Variants in UNC13C observed in about 807,000 individuals in gnomAD.
The protein encoded by UNC13C is protein unc-13 homolog C.
UNC13C carries 174 observed loss-of-function variants against 245.4 expected under a neutral mutation model. The observed-to-expected ratio is 0.71, with a 90% CI of 0.63 to 0.80. UNC13C has a LOEUF of 0.80. Among genes scored for constraint, UNC13C ranks in the 30% least tolerant of loss-of-function variants. The pLI, the probability that UNC13C is intolerant of heterozygous loss-of-function variation, is 0.00. For missense variants in UNC13C, 2,829 were observed against 2,602.9 expected (o/e 1.09, Z -1.89); for synonymous variants, 992 against 895.1 (o/e 1.11, Z -1.93).
At chr15:53,946,471 G>A in the UNC13C span, among the ~76,000 whole-genome samples, 365 of 146,092 alleles carry the variant, frequency 2.5e-3, no homozygotes, top group Non-Finnish European at 4.4e-3. Flanking sequence ...TTTTTTAAAC[G>A]GAGTCTTGCT....
At chr15:54,210,668 A>G (rs552548888) in intron 4 of UNC13C, among the ~76,000 whole-genome samples, 50 of 152,218 alleles carry the variant, frequency 3.3e-4, no homozygotes, top group Non-Finnish European at 5.4e-4. Flanking sequence ...CTGATATTTT[A>G]CCCTACTTAA....
intron 4 of UNC13C, among the ~76,000 whole-genome samples, chr15:54,183,790 T>G (rs1307741183): frequency 6.6e-6 from 1 of 150,956 alleles, no homozygotes; most frequent in Non-Finnish European, 1.5e-5. Context: ...GACCAGTCAT[T>G]GCAGACAGTA....
the UNC13C span, among the ~76,000 whole-genome samples, chr15:53,882,365 A>G: frequency 6.6e-6 from 1 of 152,156 alleles, no homozygotes; most frequent in South Asian, 2.1e-4. Flanking sequence ...TTTGCTTATA[A>G]TAAAATTTAT....
intron 19 of UNC13C, among the ~76,000 whole-genome samples, chr15:54,478,526 G>T (rs1386846117): frequency 6.6e-6 from 1 of 151,012 alleles, no homozygotes; most frequent in Non-Finnish European, 1.5e-5. Context: ...GTTCTCATTG[G>T]TTTCAAAGAA....
intron 4 of UNC13C, among the ~76,000 whole-genome samples, chr15:54,204,227 G>A (rs944660000): frequency 7.3e-6 from 1 of 136,100 alleles, no homozygotes; most frequent in Non-Finnish European, 1.5e-5. Flanking sequence ...CAAAATCTCA[G>A]AAATCACGAA....
chr15:54,153,563 T>C (rs2032615830), intron 4 of UNC13C, among the ~76,000 whole-genome samples: 1 of 152,186 alleles, frequency 6.6e-6, no homozygotes, highest in African/African-American at 2.4e-5. Context: ...ATTGCTTTGC[T>C]TTTATGCGAA....
At chr15:53,839,217 A>G in the UNC13C span, among the ~76,000 whole-genome samples, 3 of 151,940 alleles carry the variant, frequency 2.0e-5, no homozygotes, top group Admixed American at 6.6e-5. Context: ...TGTTCTTCCC[A>G]TCCCCCAATT....
chr15:54,124,914 T>C (rs1567032664), intron 2 of UNC13C, among the ~76,000 whole-genome samples: 1 of 152,186 alleles, frequency 6.6e-6, no homozygotes, highest in Non-Finnish European at 1.5e-5. Flanking sequence ...TGAATTGCTT[T>C]TGAATCTTTG....
chr15:54,000,595 A>G (rs934741898), intron 1 of UNC13C, among the ~76,000 whole-genome samples: 6 of 152,176 alleles, frequency 3.9e-5, no homozygotes, highest in Non-Finnish European at 8.8e-5. Flanking sequence ...GGTCTTAGAA[A>G]ATCACATTAG....
chr15:54,548,027 A>G (rs2141178526), intron 27 of UNC13C, among the ~76,000 whole-genome samples: 1 of 152,166 alleles, frequency 6.6e-6, no homozygotes, highest in African/African-American at 2.4e-5. Flanking sequence ...ACCTGTTTTA[A>G]AAAGGAAAAA....
At chr15:53,917,601 T>C in the UNC13C span, among the ~76,000 whole-genome samples, 10 of 152,288 alleles carry the variant, frequency 6.6e-5, no homozygotes, top group African/African-American at 2.4e-4. Flanking sequence ...AACTCAGTGG[T>C]AATTCAGACC....
At chr15:54,128,988 G>T (rs1314343404) in intron 2 of UNC13C, among the ~76,000 whole-genome samples, 1 of 152,196 alleles carries the variant, frequency 6.6e-6, no homozygotes, top group Non-Finnish European at 1.5e-5. Flanking sequence ...TTCCAGTGAG[G>T]AAGAAAGGGG....
chr15:54,504,638 A>G (rs1285781173), intron 22 of UNC13C, among the ~76,000 whole-genome samples: 2 of 152,164 alleles, frequency 1.3e-5, no homozygotes, highest in African/African-American at 4.8e-5. Context: ...CTTATGTTGG[A>G]TGTGTTAAAA....
the UNC13C span, among the ~76,000 whole-genome samples, chr15:53,848,699 T>G: frequency 6.6e-6 from 1 of 152,198 alleles, no homozygotes; most frequent in Non-Finnish European, 1.5e-5. Context: ...TCTTGTTCTA[T>G]CAACCTGTTT....
chr15:54,130,086 AAT>A (rs35414036), intron 2 of UNC13C, among the ~76,000 whole-genome samples: 55,404 of 151,170 alleles, frequency 0.37, 10,181 homozygotes, highest in Admixed American at 0.39. Flanking sequence ...AATTTTTATT[AAT>A]GTTTTATCAT....
chr15:54,466,805 C>A (rs1210845926), intron 19 of UNC13C, among the ~76,000 whole-genome samples: 1 of 151,238 alleles, frequency 6.6e-6, no homozygotes, highest in Admixed American at 6.6e-5. Context: ...TGAAAAATAT[C>A]AAATAAAATT....
intron 8 of UNC13C, among the ~76,000 whole-genome samples, chr15:54,259,865 A>G (rs578047583): frequency 2.4e-4 from 36 of 152,048 alleles, no homozygotes; most frequent in Non-Finnish European, 4.7e-4. Context: ...GGCCAGGTGT[A>G]TTTTGTCTTT....
chr15:54,328,497 G>C (rs1042738382), intron 14 of UNC13C, among the ~76,000 whole-genome samples: 1 of 152,102 alleles, frequency 6.6e-6, no homozygotes, highest in Admixed American at 6.6e-5. Context: ...CCTCCCAGGG[G>C]TGCTAAAGAA....
intron 13 of UNC13C, among the ~76,000 whole-genome samples, chr15:54,309,042 T>C (rs1489706954): frequency 2.0e-5 from 3 of 151,888 alleles, no homozygotes; most frequent in South Asian, 4.1e-4. Flanking sequence ...TAATAGATTA[T>C]ATAATAGTTC....
Sources: gnomAD v4.1 joint callset for allele counts (sites outside exome capture counted in the v4.1 genomes callset) on GRCh38, gnomAD v4.1.1 for gene constraint, MANE v1.5 for transcripts, NCBI Gene and HGNC (gene_info 2026-07-23, HGNC 2026-07-21) for gene names.